The following BRSK2 variants were observed in gnomAD, a reference collection of about 807,000 sequenced individuals.
The protein encoded by BRSK2 is serine/threonine-protein kinase BRSK2.
A neutral mutation model predicts 83.3 loss-of-function variants in BRSK2; 19 were observed. The observed-to-expected ratio is 0.23, with a 90% CI of 0.16 to 0.33. BRSK2 has a LOEUF of 0.33. Among genes scored for constraint, BRSK2 ranks in the 10% least tolerant of loss-of-function variants. The probability of loss-of-function intolerance (pLI) is 1.00; values close to 1 mark genes in which losing one functional copy is unlikely to be tolerated. For synonymous variants in BRSK2, 519 were observed against 435.4 expected, an observed-to-expected ratio of 1.19 and a Z score of -2.39; for missense variants, 798 against 1,042.3, an observed-to-expected ratio of 0.77 and a Z score of 3.23.
intron 1 of BRSK2, among the ~76,000 whole-genome samples, chr11:1,426,889 C>T (rs548674830): frequency 2.2e-4 from 33 of 152,238 alleles, no homozygotes; most frequent in African/African-American, 7.5e-4. Context: ...CGGGACCACT[C>T]CGCCTGGTGG....
chr11:1,460,734 C>CA lies in BRSK2; in HGVS notation c.*11_*12insA, dbSNP rs1461548228. 1.5e-5 allele frequency: 12 copies of CA among 796,544 alleles called. No individual in the cohort carries two copies. Among genetic ancestry groups the CA allele is most frequent in the Non-Finnish European group, 1.9e-5 (12 of 626,044 alleles). 49.3% of individuals were successfully genotyped at this position (796,544 alleles called of 1,614,324 possible). A position where few individuals can be genotyped will look rare whatever the true frequency, so the allele number is the denominator to read the frequency against. ...CGCGAGCAGCCTTAGACACACTAGCCCCCCCCCCCAGCACAGCACTGACAG... is the reference window on the plus strand; with the variant it reads ...CGCGAGCAGCCTTAGACACACTAGCCACCCCCCCCCAGCACAGCACTGACAG... On this transcript the variant is annotated 3_prime_UTR_variant, in exon 20 of 20. Coordinates refer to ENST00000528841, the MANE Select transcript of BRSK2 (RefSeq NM_001256627.2).
Position 1,438,828 on chromosome 11 carries a change from C to G in BRSK2, c.272+437C>G, listed in dbSNP as rs141034886. Among the ~76,000 whole-genome samples, 5 of 152,190 alleles carry G rather than the reference C, an allele frequency of 3.3e-5. No individual in the cohort carries two copies. The highest frequency in any genetic ancestry group is 1.2e-4 in the African/African-American group (5 of 41,438). ...ACACGAGGCACAGCCACCAGGATCCCGCCCTGGCTGGACCGTGGCTGAGTG... is the reference window on the plus strand; with the variant it reads ...ACACGAGGCACAGCCACCAGGATCCGGCCCTGGCTGGACCGTGGCTGAGTG... On this transcript the variant is annotated intron_variant, in intron 3 of 19. Transcript: ENST00000528841. This position sits in a 1 kb window ranked among gnomAD's most constrained non-coding sequence, Gnocchi z 6.4.
intron 18 of BRSK2, chr11:1,456,909 AG>A: frequency 6.3e-7 from 1 of 1,579,630 alleles, no homozygotes; most frequent in Non-Finnish European, 8.6e-7. Context: ...CCAGGGACAT[AG>A]GGCGCAGCCG....
At chr11:1,459,403 G>GCT in intron 19 of BRSK2, 164 bp downstream of exon 19, 1 of 751,174 alleles carries the variant, frequency 1.3e-6, no homozygotes, top group East Asian at 2.6e-5. Flanking sequence ...ACCAGGAGCA[G>GCT]CCCAGGTCGC....
At chr11:1,416,486 G>C (rs1848109918) in intron 1 of BRSK2, among the ~76,000 whole-genome samples, 1 of 152,164 alleles carries the variant, frequency 6.6e-6, no homozygotes, top group East Asian at 1.9e-4. Context: ...ACCTCCCTCG[G>C]ACCGAAGGGC....
At chr11:1,403,784 G>T (rs114583794) in intron 1 of BRSK2, among the ~76,000 whole-genome samples, 1 of 152,148 alleles carries the variant, frequency 6.6e-6, no homozygotes, top group Non-Finnish European at 1.5e-5. Context: ...TCCTGGTGGC[G>T]TTGGATAAAC....
rs752080689 is a variant in BRSK2, at chr11:1,461,002, A to G, written c.*279A>G. 1 of 1,611,820 alleles carries G rather than the reference A, an allele frequency of 6.2e-7. No individual in the cohort carries two copies. Among genetic ancestry groups the G allele is most frequent in the Non-Finnish European group, 8.5e-7 (1 of 1,179,160 alleles). On this transcript the variant is annotated 3_prime_UTR_variant, in exon 20 of 20. Coordinates refer to ENST00000528841, the MANE Select transcript of BRSK2 (RefSeq NM_001256627.2). ...CCCGAAAAGTTAACATGTCACCTCC[A>G]CGAGGCCATCCTCTGTGACCGAAGG... is the stretch of plus-strand genomic sequence containing the variant.
intron 1 of BRSK2, chr11:1,410,925 C>G (rs1392125231): frequency 1.0e-6 from 1 of 989,234 alleles, no homozygotes; most frequent in Non-Finnish European, 1.2e-6. Context: ...TCCCCAGTCT[C>G]AGAGGCCAGG....
At chr11:1,410,603 C>A (rs1446708467) in intron 1 of BRSK2, 1 of 985,292 alleles carries the variant, frequency 1.0e-6, no homozygotes, top group Admixed American at 6.1e-5. Context: ...TCGGGGGCTC[C>A]GAGTGCAGGG....
intron 1 of BRSK2, among the ~76,000 whole-genome samples, chr11:1,414,656 C>T (rs918998228): frequency 2.0e-4 from 31 of 152,080 alleles, no homozygotes; most frequent in East Asian, 3.8e-4. Flanking sequence ...AATTCAGGGA[C>T]GGTTAGCGCA....
At position 1,445,765 on chromosome 11, in the gene BRSK2, C is replaced by T. The variant is rs1440246278; in HGVS notation, c.1084C>T (p.Arg362Trp). ...CCTTCGTCTGTACTCAGACCCTCCC[C>T]GGAAGCGTGTGGACTCCCCGATGCT... is the stretch of plus-strand genomic sequence containing the variant. ...LPPRNEIDPPRKRVDSPMLNR... is the reference protein window; with the variant it reads ...LPPRNEIDPPWKRVDSPMLNR... Residue 362 changes from arginine to tryptophan, a missense_variant, in exon 12 of 20, where the codon CGG (arginine) becomes TGG (tryptophan). Transcript: ENST00000528841. The T allele has an allele frequency of 6.2e-7, 1 of 1,611,716 alleles. No homozygotes were observed. Among genetic ancestry groups the T allele is most frequent in the Non-Finnish European group, 8.5e-7 (1 of 1,179,170 alleles).
chr11:1,460,645 C>T lies in BRSK2; in HGVS notation c.2133C>T (p.Pro711=), dbSNP rs1004036564. The T allele has an allele frequency of 1.0e-5, 16 of 1,528,704 alleles. No individual in the cohort carries two copies. The highest frequency in any genetic ancestry group is 5.9e-5 in the Admixed American group (3 of 50,662). The allele number at this position is 1,528,704 out of a possible 1,614,324, so 94.7% of individuals were successfully genotyped here. ...ACTCCGCGGCCGCTGGCCCTGGCCC[C>T]GGAGGGGACGCCGAGTACCCAACGG... ...LGDSAAAGPG[P]GGDAEYPTGK... is the part of the protein sequence containing the mutation. Residue 711 remains proline (P), a synonymous_variant, in exon 20 of 20, where the codon CCC becomes CCT. Coordinates refer to ENST00000528841, the MANE Select transcript of BRSK2 (RefSeq NM_001256627.2).
intron 12 of BRSK2, 140 bp downstream of exon 12, chr11:1,446,047 G>A (rs1254192998): frequency 1.1e-5 from 4 of 375,538 alleles, no homozygotes; most frequent in Non-Finnish European, 1.7e-5. Flanking sequence ...ACTGGGCTTA[G>A]CTGGGCTGGG....
At chr11:1,435,652 TGGG>T (rs577416196) in intron 1 of BRSK2, among the ~76,000 whole-genome samples, 31 of 106,968 alleles carry the variant, frequency 2.9e-4, no homozygotes, top group African/African-American at 1.2e-3. Flanking sequence ...AGGCTGCAGG[TGGG>T]GGTCTCGGCA....
intron 1 of BRSK2, chr11:1,410,472 A>G (rs1324967944): frequency 7.1e-6 from 7 of 985,414 alleles, no homozygotes; most frequent in Non-Finnish European, 7.2e-6. Flanking sequence ...CACCCAGCGT[A>G]GTCATGCTGC....
intron 12 of BRSK2, among the ~76,000 whole-genome samples, chr11:1,448,976 C>A (rs1845467313): frequency 6.6e-6 from 1 of 152,248 alleles, no homozygotes; most frequent in Admixed American, 6.5e-5. Flanking sequence ...TCTTCTCTGT[C>A]CTCTTCTCTT....
rs370651477 is a variant in BRSK2, at chr11:1,400,612, A to G, written c.91+10237A>G. On this transcript the variant is annotated intron_variant, in intron 1 of 19. Coordinates refer to ENST00000528841, the MANE Select transcript of BRSK2 (RefSeq NM_001256627.2). ...AAATGCCCTGCCCGCCTGGGGACAC[A>G]CATGCTGGAACGTTCACTGTGTGTC... 3.3e-5 allele frequency among the ~76,000 whole-genome samples: 5 copies of G among 151,946 alleles called. No homozygotes were observed. The South Asian group carries it at 6.2e-4, about 19-fold the overall frequency.
chr11:1,435,009 C>T (rs916717179), intron 1 of BRSK2, among the ~76,000 whole-genome samples: 3 of 151,422 alleles, frequency 2.0e-5, no homozygotes, highest in Non-Finnish European at 2.9e-5. Context: ...GGCCGAGGCG[C>T]GGAGGGGGAC....
At chr11:1,424,963 GC>G (rs1849038734) in intron 1 of BRSK2, among the ~76,000 whole-genome samples, 1 of 152,234 alleles carries the variant, frequency 6.6e-6, no homozygotes, top group Non-Finnish European at 1.5e-5. Context: ...AGAATCTGGG[GC>G]CCTTGTCAGA....
Sources: gnomAD v4.1 joint callset for allele counts (sites outside exome capture counted in the v4.1 genomes callset) on GRCh38, gnomAD v4.1.1 for gene constraint, Gnocchi (gnomAD v3.1) non-coding constraint, MANE v1.5 for transcripts, NCBI Gene and HGNC (gene_info 2026-07-23, HGNC 2026-07-21) for gene names.